Variants in KDM4C observed in about 807,000 individuals in gnomAD.
The protein encoded by KDM4C is lysine-specific demethylase 4C.
Under a neutral mutation model 129.3 loss-of-function variants are expected in KDM4C, and 81 were observed. The ratio of observed to expected loss-of-function variants is 0.63; its 90% confidence interval spans 0.52 to 0.75. The LOEUF is 0.75. KDM4C is among the 30% of genes least tolerant of loss of function. The probability of loss-of-function intolerance (pLI) is 0.00; values close to 1 mark genes in which losing one functional copy is unlikely to be tolerated. For missense variants in KDM4C, 1,457 were observed against 1,304.0 expected, an observed-to-expected ratio of 1.12 and a Z score of -1.81; for synonymous variants, 573 against 456.1, an observed-to-expected ratio of 1.26 and a Z score of -3.26.
chr9:6,863,793 CAA>C (rs999369554), intron 5 of KDM4C, among the ~76,000 whole-genome samples: 31 of 70,282 alleles, frequency 4.4e-4, no homozygotes, highest in African/African-American at 1.2e-3. Context: ...GACTCCATCT[CAA>C]AAAAAAAAAA....
Position 6,778,944 on chromosome 9 carries a change from A to C in KDM4C, c.-17-14028A>C, listed in dbSNP as rs530120497. Among the ~76,000 whole-genome samples, 5 of 149,706 alleles carry C rather than the reference A, an allele frequency of 3.3e-5. No homozygotes were observed. In the East Asian group the frequency reaches 7.9e-4, roughly 24 times the overall value. On this transcript the variant is annotated intron_variant, in intron 1 of 21. Transcript: ENST00000381309. ...ACCATGTTGGCCAAGCTGGTCTTTA[A>C]CTCCTGACCTCAGGTGATCCACCCA... is the stretch of plus-strand genomic sequence containing the variant.
Position 6,828,096 on chromosome 9 carries a change from G to A in KDM4C, c.435+13351G>A, listed in dbSNP as rs558908756. The stretch of plus-strand genomic sequence containing the variant: ...GTTGTTGCCCCTGAGAATGGTGCAA[G>A]TAGGAAGGTTAGGTGGGATCACTGT... On this transcript the variant is annotated intron_variant, in intron 4 of 21. Coordinates refer to ENST00000381309, the MANE Select transcript of KDM4C (RefSeq NM_015061.6). 2.0e-5 allele frequency among the ~76,000 whole-genome samples: 3 copies of A among 152,314 alleles called. No homozygotes were observed. In the South Asian group the frequency reaches 6.2e-4, roughly 32 times the overall value.
At chr9:6,988,698 A>G (rs891421326) in intron 11 of KDM4C, among the ~76,000 whole-genome samples, 3 of 151,964 alleles carry the variant, frequency 2.0e-5, no homozygotes, top group Non-Finnish European at 2.9e-5. Context: ...CCATCCATCC[A>G]TCCATCCATT....
At chr9:7,128,276 T>A (rs1295470077) in intron 19 of KDM4C, 40 bp downstream of exon 19, 3 of 1,445,090 alleles carry the variant, frequency 2.1e-6, no homozygotes. Flanking sequence ...CCAGAGTAAT[T>A]TAAAAAAAAA....
intron 12 of KDM4C, among the ~76,000 whole-genome samples, chr9:7,010,556 A>C (rs1304896071): frequency 6.6e-6 from 1 of 152,228 alleles, no homozygotes; most frequent in African/African-American, 2.4e-5. Context: ...TCAGACTTTG[A>C]AAGCTACTTA....
intron 4 of KDM4C, among the ~76,000 whole-genome samples, chr9:6,847,693 T>C (rs1050272541): frequency 6.6e-6 from 1 of 151,924 alleles, no homozygotes; most frequent in Non-Finnish European, 1.5e-5. Flanking sequence ...CCCGGCCGGA[T>C]CTTCTCTAAA....
chr9:6,861,433 A>G (rs1840903848), intron 5 of KDM4C, among the ~76,000 whole-genome samples: 1 of 152,228 alleles, frequency 6.6e-6, no homozygotes, highest in Non-Finnish European at 1.5e-5. Context: ...AGCCTATAGA[A>G]TAGTACAGTC....
intron 5 of KDM4C, among the ~76,000 whole-genome samples, chr9:6,865,031 T>C (rs6477120): frequency 0.53 from 72,112 of 137,334 alleles, 19,572 homozygotes; most frequent in African/African-American, 0.61. Context: ...TTTTGTGAGA[T>C]AGAGTCTTGC....
intron 2 of KDM4C, among the ~76,000 whole-genome samples, chr9:6,803,148 C>A (rs1019141320): frequency 6.6e-6 from 1 of 152,270 alleles, no homozygotes; most frequent in Middle Eastern, 3.4e-3. Context: ...CTGTATCGTG[C>A]CAGCAATATC....
chr9:6,957,685 G>C (rs758300372), intron 8 of KDM4C, among the ~76,000 whole-genome samples: 1 of 152,132 alleles, frequency 6.6e-6, no homozygotes, highest in Non-Finnish European at 1.5e-5. Context: ...GGAACCAGGA[G>C]TGGGTCTGGG....
intron 2 of KDM4C, among the ~76,000 whole-genome samples, chr9:6,800,053 T>A (rs566808329): frequency 1.3e-5 from 2 of 151,316 alleles, no homozygotes; most frequent in South Asian, 4.2e-4. Context: ...CGAGACCACA[T>A]CTTTTCCAAA....
intron 8 of KDM4C, among the ~76,000 whole-genome samples, chr9:6,937,604 A>G (rs989810211): frequency 1.3e-5 from 2 of 152,182 alleles, no homozygotes; most frequent in African/African-American, 4.8e-5. Context: ...CTGCTCTAGC[A>G]GGCTGGGAGT....
rs1030055342 is a variant in KDM4C, at chr9:6,985,492, G to A, written c.1355-852G>A. Among the ~76,000 whole-genome samples, 4 of 152,320 alleles carry A rather than the reference G, an allele frequency of 2.6e-5. No homozygotes were observed. In the South Asian group the frequency reaches 8.3e-4, roughly 32 times the overall value. On this transcript the variant is annotated intron_variant, in intron 10 of 21. Transcript: ENST00000381309. ...CATTATAGAGATTGCATAGGATGTTGCTGGTTTACCAAGGAAGGACTTCAA... is the reference window on the plus strand; with the variant it reads ...CATTATAGAGATTGCATAGGATGTTACTGGTTTACCAAGGAAGGACTTCAA...
At chr9:6,861,938 A>G (rs1457479144) in intron 5 of KDM4C, among the ~76,000 whole-genome samples, 2 of 151,684 alleles carry the variant, frequency 1.3e-5, no homozygotes, top group Non-Finnish European at 2.9e-5. Flanking sequence ...TGCCTGGCTA[A>G]TTTTTGTATT....
intron 19 of KDM4C, among the ~76,000 whole-genome samples, chr9:7,144,640 A>G (rs984878168): frequency 1.3e-5 from 2 of 152,076 alleles, no homozygotes; most frequent in African/African-American, 4.8e-5. Context: ...CCACCATTCC[A>G]CTCATCCGCA....
chr9:6,980,473 A>G (rs957531770), intron 8 of KDM4C, among the ~76,000 whole-genome samples: 3 of 152,154 alleles, frequency 2.0e-5, no homozygotes, highest in Non-Finnish European at 2.9e-5. Flanking sequence ...AAATATAATA[A>G]AATATATCTT....
chr9:6,914,836 A>G (rs111771865), intron 8 of KDM4C, among the ~76,000 whole-genome samples: 2 of 152,212 alleles, frequency 1.3e-5, no homozygotes, highest in African/African-American at 4.8e-5. Context: ...CCAGACACCA[A>G]ATCTGCTGGC....
chr9:6,930,753 A>G lies in KDM4C; in HGVS notation c.921+37521A>G, dbSNP rs1823574751. 2.7e-5 allele frequency among the ~76,000 whole-genome samples: 4 copies of G among 149,420 alleles called. No individual in the cohort carries two copies. In the Admixed American group the frequency reaches 2.7e-4, roughly 10 times the overall value. On this transcript the variant is annotated intron_variant, in intron 8 of 21. Transcript: ENST00000381309. ...TAATAATTATATTATTATGTATCAT[A>G]TATATGATATTCATGTATCATTCTT...
At chr9:7,147,589 A>T (rs979289859) in intron 19 of KDM4C, among the ~76,000 whole-genome samples, 1 of 152,226 alleles carries the variant, frequency 6.6e-6, no homozygotes, top group African/African-American at 2.4e-5. Context: ...TTTCCTATAT[A>T]GATGGAGCTT....
Sources: allele counts gnomAD v4.1 joint callset (sites outside exome capture counted in the v4.1 genomes callset), GRCh38; gene constraint gnomAD v4.1.1; transcripts MANE v1.5; gene names NCBI Gene and HGNC (gene_info 2026-07-23, HGNC 2026-07-21).